The following PEX3 variants were observed in gnomAD, a reference collection of about 807,000 sequenced individuals.
PEX3 encodes the protein peroxin-3.
In PEX3, 30 loss-of-function variants were observed where a neutral mutation model predicts 55.8. The observed-to-expected ratio is 0.54, with a 90% CI of 0.40 to 0.73. The LOEUF (loss-of-function observed/expected upper bound fraction) is 0.73. Ranked by LOEUF, PEX3 falls within the 30% of genes least tolerant of loss-of-function variation. The pLI, the probability that PEX3 is intolerant of heterozygous loss-of-function variation, is 0.00. For synonymous variants in PEX3, 135 were observed against 148.4 expected, an observed-to-expected ratio of 0.91 and a Z score of 0.66; for missense variants, 351 against 432.8, an observed-to-expected ratio of 0.81 and a Z score of 1.68.
rs569817740 is a variant in PEX3, at chr6:143,465,193, A to G, written c.287+2196A>G. 1.5e-4 allele frequency among the ~76,000 whole-genome samples: 23 copies of G among 152,180 alleles called. No individual in the cohort carries two copies. In the South Asian group the frequency reaches 4.6e-3, roughly 30 times the overall value. ...ATTTAACTTGCAGTTGATTTCCATC[A>G]AACAAATCATTTGAAAGGAATATTT... On this transcript the variant is annotated intron_variant, in intron 3 of 11. Coordinates refer to ENST00000367591, the MANE Select transcript of PEX3 (RefSeq NM_003630.3). The surrounding 1 kb of genome is among the most constrained non-coding windows in gnomAD (Gnocchi z 4.7).
At position 143,477,151 on chromosome 6, in the gene PEX3, C is replaced by T. The variant is rs184271067; in HGVS notation, c.819-1925C>T. The stretch of plus-strand genomic sequence containing the variant: ...GAGGAGCAGTGGAGATAAGCTAATT[C>T]AAAAGAATTAGAGTTTAGCAGAGAC... On this transcript the variant is annotated intron_variant, in intron 9 of 11. Coordinates refer to ENST00000367591, the MANE Select transcript of PEX3 (RefSeq NM_003630.3). 7.9e-4 allele frequency among the ~76,000 whole-genome samples: 120 copies of T among 152,156 alleles called. 1 individual carries two copies. Among genetic ancestry groups the T allele is most frequent in the Non-Finnish European group, 1.1e-3 (76 of 68,010 alleles).
At position 143,488,621 on chromosome 6, in the gene PEX3, T is replaced by C. The variant is rs113156793; in HGVS notation, c.1039-522T>C. ...GATTTTGGTTAGAAGTTAAAGAAAA[T>C]GAAGGTGTAATTTTTTTCTTATCTT... On this transcript the variant is annotated intron_variant, in intron 11 of 11. Transcript: ENST00000367591. This position sits in a 1 kb window ranked among gnomAD's most constrained non-coding sequence, Gnocchi z 4.9. Among the ~76,000 whole-genome samples, 1,640 of 152,184 alleles carry C rather than the reference T, an allele frequency of 0.011. 24 individuals carry two copies. Among genetic ancestry groups the C allele is most frequent in the African/African-American group, 0.037 (1,546 of 41,566 alleles).
Position 143,483,678 on chromosome 6 carries a change from T to A in PEX3, c.942-1474T>A, listed in dbSNP as rs1003223197. 6.6e-6 allele frequency among the ~76,000 whole-genome samples: 1 copy of A among 152,110 alleles called. No individual in the cohort carries two copies. Among genetic ancestry groups the A allele is most frequent in the Non-Finnish European group, 1.5e-5 (1 of 68,008 alleles). ...ATGTAATGGAATTTACATTGTATGA[T>A]TTCTTTGACTGGTTTGTGGAAAAGG... On this transcript the variant is annotated intron_variant, in intron 10 of 11. Coordinates refer to ENST00000367591, the MANE Select transcript of PEX3 (RefSeq NM_003630.3). This position sits in a 1 kb window ranked among gnomAD's most constrained non-coding sequence, Gnocchi z 4.3.
chr6:143,455,470 C>T (rs998223890), intron 1 of PEX3, among the ~76,000 whole-genome samples: 22 of 149,520 alleles, frequency 1.5e-4, no homozygotes, highest in African/African-American at 5.4e-4. Context: ...CCACCTCGGC[C>T]TCCCAAAGTG....
At chr6:143,478,246 G>A (rs1780179718) in intron 9 of PEX3, among the ~76,000 whole-genome samples, 1 of 152,106 alleles carries the variant, frequency 6.6e-6, no homozygotes, top group Non-Finnish European at 1.5e-5. Flanking sequence ...ATGGTTACCT[G>A]GGGCTAAGAC....
chr6:143,464,077 A>G lies in PEX3; in HGVS notation c.287+1080A>G, dbSNP rs1779959932. On this transcript the variant is annotated intron_variant, in intron 3 of 11. Transcript: ENST00000367591. The surrounding 1 kb of genome is among the most constrained non-coding windows in gnomAD (Gnocchi z 5.8). ...GACCTTCCTTCCTTCTTACAGATAT[A>G]AGGTTTAGCTTATAAATTAGTTCAT... 6.6e-6 allele frequency among the ~76,000 whole-genome samples: 1 copy of G among 152,102 alleles called. No homozygotes were observed. Among genetic ancestry groups the G allele is most frequent in the Admixed American group, 6.6e-5 (1 of 15,262 alleles).
chr6:143,490,590 T>G lies in PEX3; in HGVS notation c.*1364T>G. 1 of 979,416 alleles carries G rather than the reference T, an allele frequency of 1.0e-6. No individual in the cohort carries two copies. The highest frequency in any genetic ancestry group is 1.4e-6 in the Non-Finnish European group (1 of 702,928). The allele number at this position is 979,416 out of a possible 1,614,324, so 60.7% of individuals were successfully genotyped here. ...CTTCACCAAGGGATATGGATTTGGCTTAATAAAACCTGATTTGAAAACAAA... is the reference window on the plus strand; with the variant it reads ...CTTCACCAAGGGATATGGATTTGGCGTAATAAAACCTGATTTGAAAACAAA... On this transcript the variant is annotated 3_prime_UTR_variant, in exon 12 of 12. Coordinates refer to ENST00000367591, the MANE Select transcript of PEX3 (RefSeq NM_003630.3). The surrounding 1 kb of genome is among the most constrained non-coding windows in gnomAD (Gnocchi z 6.0).
At chr6:143,480,390 A>T in intron 10 of PEX3, among the ~76,000 whole-genome samples, 1 of 152,204 alleles carries the variant, frequency 6.6e-6, no homozygotes, top group African/African-American at 2.4e-5. Context: ...AATTGTAAAA[A>T]TTATACTACA....
chr6:143,485,085 A>T lies in PEX3; in HGVS notation c.942-67A>T. 1 of 873,798 alleles carries T rather than the reference A, an allele frequency of 1.1e-6. No individual in the cohort carries two copies. 54.1% of individuals were successfully genotyped at this position (873,798 alleles called of 1,614,324 possible). On this transcript the variant is annotated intron_variant, in intron 10 of 11. Transcript: ENST00000367591. This position sits in a 1 kb window ranked among gnomAD's most constrained non-coding sequence, Gnocchi z 5.6. ...TCTACAATGGCTATGTATTACTTTTATAATTAAGATGTTAAAGTCCTGTGG... is the reference window on the plus strand; with the variant it reads ...TCTACAATGGCTATGTATTACTTTTTTAATTAAGATGTTAAAGTCCTGTGG...
intron 10 of PEX3, among the ~76,000 whole-genome samples, chr6:143,481,955 A>G (rs1780247537): frequency 6.6e-6 from 1 of 152,064 alleles, no homozygotes; most frequent in Non-Finnish European, 1.5e-5. Context: ...GTGACAGAAT[A>G]AGACCCTGTC....
rs1032361073 is a variant in PEX3, at chr6:143,464,950, A to G, written c.287+1953A>G. Among the ~76,000 whole-genome samples, 4 of 151,994 alleles carry G rather than the reference A, an allele frequency of 2.6e-5. No homozygotes were observed. The highest frequency in any genetic ancestry group is 9.7e-5 in the African/African-American group (4 of 41,444). Reference sequence around the variant, plus strand: ...GATGATTTGATAGTCTTATTTTGCCAACTTCATAACAGCAAATAAACAGTT... The same window carrying G: ...GATGATTTGATAGTCTTATTTTGCCGACTTCATAACAGCAAATAAACAGTT... On this transcript the variant is annotated intron_variant, in intron 3 of 11. Coordinates refer to ENST00000367591, the MANE Select transcript of PEX3 (RefSeq NM_003630.3). The surrounding 1 kb of genome is among the most constrained non-coding windows in gnomAD (Gnocchi z 5.8).
chr6:143,484,807 G>C (rs1562658654), intron 10 of PEX3, among the ~76,000 whole-genome samples: 1 of 152,062 alleles, frequency 6.6e-6, no homozygotes, highest in Non-Finnish European at 1.5e-5. Flanking sequence ...CTAGAGGACA[G>C]ATTACTGTAT....
At chr6:143,455,359 A>ATTTTTTT (rs56788350) in intron 1 of PEX3, among the ~76,000 whole-genome samples, 16 of 71,984 alleles carry the variant, frequency 2.2e-4, no homozygotes, top group Admixed American at 6.3e-4. Flanking sequence ...CGCCCGGCTA[A>ATTTTTTT]TTTTTTTTTT....
Position 143,464,122 on chromosome 6 carries a change from A to G in PEX3, c.287+1125A>G, listed in dbSNP as rs1779960370. Among the ~76,000 whole-genome samples the G allele has an allele frequency of 6.6e-6, 1 of 152,124 alleles. No homozygotes were observed. The highest frequency in any genetic ancestry group is 2.1e-4 in the South Asian group (1 of 4,834). ...GTTCATACAGTTTTATGAAGAAGAA[A>G]CATATAAGCAGATTGCTTTTGATCA... On this transcript the variant is annotated intron_variant, in intron 3 of 11. Coordinates refer to ENST00000367591, the MANE Select transcript of PEX3 (RefSeq NM_003630.3). The surrounding 1 kb of genome is among the most constrained non-coding windows in gnomAD (Gnocchi z 5.8).
Position 143,453,439 on chromosome 6 carries a change from G to A in PEX3, c.73+2324G>A, listed in dbSNP as rs1044444352. ...TCAGATTTTGGGTGGGTAACTAATT[G>A]GTTTACGCGTTTGTATAATTTGACC... On this transcript the variant is annotated intron_variant, in intron 1 of 11. Coordinates refer to ENST00000367591, the MANE Select transcript of PEX3 (RefSeq NM_003630.3). The surrounding 1 kb of genome is among the most constrained non-coding windows in gnomAD (Gnocchi z 4.6). 2.6e-5 allele frequency among the ~76,000 whole-genome samples: 4 copies of A among 152,056 alleles called. No individual in the cohort carries two copies. The highest frequency in any genetic ancestry group is 9.7e-5 in the African/African-American group (4 of 41,392).
At chr6:143,455,303 C>T (rs1779830040) in intron 1 of PEX3, among the ~76,000 whole-genome samples, 1 of 151,470 alleles carries the variant, frequency 6.6e-6, no homozygotes, top group Admixed American at 6.6e-5. Flanking sequence ...CGCCATTCTC[C>T]TGCCTCAGCC....
rs776239946 is a variant in PEX3, at chr6:143,475,318, T to C, written c.818+462T>C. On this transcript the variant is annotated intron_variant, in intron 9 of 11. Transcript: ENST00000367591. This position sits in a 1 kb window ranked among gnomAD's most constrained non-coding sequence, Gnocchi z 4.4. Reference sequence around the variant, plus strand: ...CTATATTTTTCTCCCACCTCTCAAATCATTTCTTAGATTTTTCTATCTCTG... The same window carrying C: ...CTATATTTTTCTCCCACCTCTCAAACCATTTCTTAGATTTTTCTATCTCTG... Among the ~76,000 whole-genome samples, 129 of 152,292 alleles carry C rather than the reference T, an allele frequency of 8.5e-4. No individual in the cohort carries two copies. The highest frequency in any genetic ancestry group is 3.0e-3 in the African/African-American group (124 of 41,564).
intron 8 of PEX3, among the ~76,000 whole-genome samples, chr6:143,472,641 C>G (rs1780090413): frequency 6.6e-6 from 1 of 152,044 alleles, no homozygotes; most frequent in African/African-American, 2.4e-5. Context: ...GATACAAATT[C>G]AATTGGTGGG....
In PEX3 at chr6:143,465,101, C is replaced by T. The variant is rs973771629; in HGVS notation, c.287+2104C>T. 6.6e-6 allele frequency among the ~76,000 whole-genome samples: 1 copy of T among 151,878 alleles called. No homozygotes were observed. Among genetic ancestry groups the T allele is most frequent in the Non-Finnish European group, 1.5e-5 (1 of 67,838 alleles). On this transcript the variant is annotated intron_variant, in intron 3 of 11. Transcript: ENST00000367591. The surrounding 1 kb of genome is among the most constrained non-coding windows in gnomAD (Gnocchi z 4.7). The stretch of plus-strand genomic sequence containing the variant: ...AGAAGTAGAACACTTCGAAAAGATT[C>T]GTTTAATTCTCTTTACTTTTTATTT...
Sources: allele counts gnomAD v4.1 joint callset (sites outside exome capture counted in the v4.1 genomes callset), GRCh38; gene constraint gnomAD v4.1.1; non-coding constraint Gnocchi (gnomAD v3.1); transcripts MANE v1.5; gene names NCBI Gene and HGNC (gene_info 2026-07-23, HGNC 2026-07-21).